Variants in YLPM1 observed in about 807,000 individuals in gnomAD.
YLPM1 encodes YLP motif containing 1, also known as YLP motif-containing protein 1.
A neutral mutation model predicts 230.0 loss-of-function variants in YLPM1; 99 were observed. The ratio of observed to expected loss-of-function variants is 0.43; its 90% confidence interval spans 0.37 to 0.51. YLPM1 has a LOEUF of 0.51. Among genes scored for constraint, YLPM1 ranks in the 20% least tolerant of loss-of-function variants. The pLI, the probability that YLPM1 is intolerant of heterozygous loss-of-function variation, is 0.00. For synonymous variants in YLPM1, 984 were observed against 942.5 expected (o/e 1.04, Z -0.81); for missense variants, 2,592 against 2,707.7 (o/e 0.96, Z 0.95).
At chr14:74,795,721 T>C (rs2091253840) in intron 4 of YLPM1, among the ~76,000 whole-genome samples, 1 of 152,366 alleles carries the variant, frequency 6.6e-6, no homozygotes, top group African/African-American at 2.4e-5. Context: ...GCTAAAGCAA[T>C]CTTTTAAAAA....
chr14:74,816,709 A>G lies in YLPM1; in HGVS notation c.5685+19A>G. 2 of 1,597,972 alleles carry G rather than the reference A, an allele frequency of 1.3e-6. No homozygotes were observed. Among genetic ancestry groups the G allele is most frequent in the Non-Finnish European group, 1.7e-6 (2 of 1,173,338 alleles). ...AAAGAAGGTATGGTATTCATCTCAG[A>G]TCTCGTTCTGATTCATTAATAGTAT... On this transcript the variant is annotated intron_variant, in intron 13 of 20. Transcript: ENST00000325680.
intron 16 of YLPM1, 93 bp from the exon 17 acceptor site, chr14:74,820,964 G>T: frequency 7.5e-7 from 1 of 1,327,178 alleles, no homozygotes; most frequent in Non-Finnish European, 9.8e-7. Context: ...TCTTGCTCTG[G>T]GCAACTGTAT....
At chr14:74,764,780 A>G (rs749932781) in intron 1 of YLPM1, among the ~76,000 whole-genome samples, 6 of 152,222 alleles carry the variant, frequency 3.9e-5, no homozygotes, top group Non-Finnish European at 7.3e-5. Flanking sequence ...GAATGTTTGT[A>G]AACTTTATGA....
In YLPM1 at chr14:74,781,931, C is replaced by T. The variant is rs755024480; in HGVS notation, c.1888C>T (p.Pro630Ser). The part of the protein sequence containing the change: ...PLPPLSSATP[P>S]PGIPPPGVPQ... ...CCCACCATTGTCTTCAGCTACACCT[C>T]CTCCAGGAATACCTCCCCCTGGAGT... The change falls in exon 4 of 21, where the codon CCT (proline) becomes TCT (serine). Residue 630 changes from proline (P) to serine (S), a missense_variant. Coordinates refer to ENST00000325680, the MANE Select transcript of YLPM1 (RefSeq NM_019589.3). 3.7e-6 allele frequency: 6 copies of T among 1,613,778 alleles called. No homozygotes were observed. The Admixed American group carries it at 1.0e-4, about 27-fold the overall frequency.
chr14:74,799,043 C>T lies in YLPM1; in HGVS notation c.3746C>T (p.Ser1249Leu). Residue 1249 changes from serine to leucine, a missense_variant, in exon 5 of 21, where the codon TCA (serine) becomes TTA (leucine). Transcript: ENST00000325680. ...CTCTATAACAGAGAGGACAGGTTCT[C>T]AGCACCACCATCTCGGTCTCATGAT... is the stretch of plus-strand genomic sequence containing the variant. ...LELYNREDRFSAPPSRSHDGD... is the reference protein window; with the variant it reads ...LELYNREDRFLAPPSRSHDGD... The T allele has an allele frequency of 6.2e-7, 1 of 1,613,968 alleles. No individual in the cohort carries two copies. Among genetic ancestry groups the T allele is most frequent in the East Asian group, 2.2e-5 (1 of 44,882 alleles).
At chr14:74,812,550 T>G in intron 10 of YLPM1, 78 bp from the exon 11 acceptor site, 1 of 1,447,316 alleles carries the variant, frequency 6.9e-7, no homozygotes. Flanking sequence ...TTATATTACC[T>G]TAGGATGTGT....
At chr14:74,786,429 GC>G (rs1223632836) in intron 4 of YLPM1, among the ~76,000 whole-genome samples, 1 of 149,728 alleles carries the variant, frequency 6.7e-6, no homozygotes, top group Non-Finnish European at 1.5e-5. Flanking sequence ...AATTACTGGT[GC>G]CCAAGAAATC....
At chr14:74,773,421 A>G (rs1369800511) in intron 1 of YLPM1, among the ~76,000 whole-genome samples, 5 of 152,240 alleles carry the variant, frequency 3.3e-5, no homozygotes, top group Non-Finnish European at 7.4e-5. Context: ...AGAAGCTGAT[A>G]AAGAATCTGG....
chr14:74,769,624 C>A (rs1449658435), intron 1 of YLPM1, among the ~76,000 whole-genome samples: 1 of 151,340 alleles, frequency 6.6e-6, no homozygotes, highest in Non-Finnish European at 1.5e-5. Context: ...GAGGTTTCAC[C>A]ATCTTGGCCA....
Position 74,780,523 on chromosome 14 carries a change from C to G in YLPM1, c.1229C>G (p.Thr410Ser). Residue 410 changes from threonine (T) to serine (S), a missense_variant, in exon 3 of 21, where the codon ACT (threonine) becomes AGT (serine). Thr to Ser is a moderately conservative substitution (Grantham distance 58). Transcript: ENST00000325680. Reference sequence around the variant, plus strand: ...TATCAGGGAATAATGCAGAAGCACACTCAGTTACAGCAGATTCTACAACAG... The same window carrying G: ...TATCAGGGAATAATGCAGAAGCACAGTCAGTTACAGCAGATTCTACAACAG... ...FQYQGIMQKH[T>S]QLQQILQQYQ... 6.2e-7 allele frequency: 1 copy of G among 1,613,982 alleles called. No homozygotes were observed. Among genetic ancestry groups the G allele is most frequent in the Non-Finnish European group, 8.5e-7 (1 of 1,179,894 alleles).
chr14:74,816,675 G>A lies in YLPM1; in HGVS notation c.5670G>A (p.Lys1890=). The change falls in exon 13 of 21, where the codon AAG becomes AAA. Residue 1890 remains lysine (K), a synonymous_variant. Coordinates refer to ENST00000325680, the MANE Select transcript of YLPM1 (RefSeq NM_019589.3). ...AAGAAAAAGATCCAGATTCTGGAAA[G>A]AAAGTGAAAAAGAAGGTATGGTATT... is the stretch of plus-strand genomic sequence containing the variant. ...EKEEKDPDSG[K]KVKKKVMEYE... The A allele has an allele frequency of 6.2e-7, 1 of 1,612,310 alleles. No individual in the cohort carries two copies. Among genetic ancestry groups the A allele is most frequent in the East Asian group, 2.2e-5 (1 of 44,838 alleles).
Position 74,763,950 on chromosome 14 carries a change from C to T in YLPM1, c.461C>T (p.Pro154Leu), listed in dbSNP as rs1470243420. ...CCCCCTGAATCTCCCCCTGTGCCGCCTGGGTCCTATATGCCCCCATCTCAG... is the reference window on the plus strand; with the variant it reads ...CCCCCTGAATCTCCCCCTGTGCCGCTTGGGTCCTATATGCCCCCATCTCAG... ...ESPPESPPVP[P>L]GSYMPPSQSY... is the part of the protein sequence containing the mutation. The change falls in exon 1 of 21, where the codon CCT (proline) becomes CTT (leucine). Residue 154 changes from proline (P) to leucine (L), a missense_variant. Physicochemically the swap from Pro to Leu is moderately conservative, Grantham distance 98 (BLOSUM62 -3). Coordinates refer to ENST00000325680, the MANE Select transcript of YLPM1 (RefSeq NM_019589.3). 5.6e-6 allele frequency: 7 copies of T among 1,260,506 alleles called. No homozygotes were observed. In the South Asian group the frequency reaches 9.6e-5, roughly 17 times the overall value. The allele number at this position is 1,260,506 out of a possible 1,614,324, so 78.1% of individuals were successfully genotyped here.
chr14:74,818,440 G>A (rs1176477965), intron 16 of YLPM1, 126 bp downstream of exon 16: 5 of 619,798 alleles, frequency 8.1e-6, no homozygotes, highest in Non-Finnish European at 1.3e-5. Flanking sequence ...CTACTGATAT[G>A]CCTTTCATTG....
Position 74,806,337 on chromosome 14 carries a change from AC to A in YLPM1, c.4522-3042del, listed in dbSNP as rs1278736070. On this transcript the variant is annotated intron_variant, in intron 6 of 20. Transcript: ENST00000325680. ...GCACCACTGCACTCCAGCCTGGGTGACAGATCAAGACTCTGTCTCAAGTGCA... is the reference window on the plus strand; with the variant it reads ...GCACCACTGCACTCCAGCCTGGGTGAAGATCAAGACTCTGTCTCAAGTGCA... Among the ~76,000 whole-genome samples the A allele has an allele frequency of 4.0e-5, 6 of 151,840 alleles. No homozygotes were observed. In the East Asian group the frequency reaches 1.2e-3, roughly 30 times the overall value.
chr14:74,833,284 T>A (rs1232846451), intron 19 of YLPM1, among the ~76,000 whole-genome samples: 1 of 152,182 alleles, frequency 6.6e-6, no homozygotes, highest in African/African-American at 2.4e-5. Context: ...AGGGTCTCTC[T>A]GTCACCCAGG....
At chr14:74,827,524 C>T (rs949173234) in intron 18 of YLPM1, 1 of 985,286 alleles carries the variant, frequency 1.0e-6, no homozygotes, top group African/African-American at 1.7e-5. Flanking sequence ...AACTGTAACT[C>T]CTGTCATATA....
chr14:74,786,076 C>T (rs113899778), intron 4 of YLPM1, among the ~76,000 whole-genome samples: 1 of 151,946 alleles, frequency 6.6e-6, no homozygotes. Flanking sequence ...TAAAGACACA[C>T]ATTGGCCAGG....
intron 5 of YLPM1, among the ~76,000 whole-genome samples, chr14:74,802,217 CAAAA>C (rs34503917): frequency 1.1e-4 from 10 of 95,048 alleles, no homozygotes; most frequent in Non-Finnish European, 1.8e-4. Context: ...GACTCTGTCT[CAAAA>C]AAAAAAAAAA....
At chr14:74,780,850 A>G (rs1415190550) in intron 3 of YLPM1, among the ~76,000 whole-genome samples, 1 of 152,182 alleles carries the variant, frequency 6.6e-6, no homozygotes, top group African/African-American at 2.4e-5. Context: ...TTTTTACCAT[A>G]TAGCTACAGG....
Sources: gnomAD v4.1 joint callset for allele counts (sites outside exome capture counted in the v4.1 genomes callset) on GRCh38, gnomAD v4.1.1 for gene constraint, MANE v1.5 for transcripts, NCBI Gene and HGNC (gene_info 2026-07-23, HGNC 2026-07-21) for gene names.